Variants in MAMDC2 observed in about 807,000 individuals in gnomAD.
MAMDC2 encodes the protein MAM domain-containing protein 2.
In MAMDC2, 57 loss-of-function variants were observed where a neutral mutation model predicts 89.8. That is an observed-to-expected ratio of 0.63 (90% CI 0.51 to 0.79). MAMDC2 has a LOEUF of 0.79. Among genes scored for constraint, MAMDC2 ranks in the 30% least tolerant of loss-of-function variants. The probability of loss-of-function intolerance (pLI) is 0.00; values close to 1 mark genes in which losing one functional copy is unlikely to be tolerated. For missense variants in MAMDC2, 800 were observed against 820.6 expected (o/e 0.97, Z 0.31); for synonymous variants, 313 against 293.4 (o/e 1.07, Z -0.68).
chr9:70,110,260 T>A (rs907470701), intron 4 of MAMDC2, among the ~76,000 whole-genome samples: 5 of 152,214 alleles, frequency 3.3e-5, no homozygotes, highest in Admixed American at 3.3e-4. Context: ...GTTGGCTGTC[T>A]CTTATCTGCC....
At chr9:70,188,841 G>C (rs1020435170) in intron 11 of MAMDC2, 11 of 139,428 alleles carry the variant, frequency 7.9e-5, no homozygotes, top group Admixed American at 3.2e-4. Flanking sequence ...CTGGGCTCAA[G>C]CCATCCTCTC....
At chr9:70,213,494 A>C (rs1385064684) in intron 11 of MAMDC2, among the ~76,000 whole-genome samples, 1 of 152,134 alleles carries the variant, frequency 6.6e-6, no homozygotes, top group African/African-American at 2.4e-5. Flanking sequence ...TGTGTAGGAT[A>C]GCATTGGATT....
At chr9:70,172,490 A>G (rs948355096) in intron 11 of MAMDC2, 2 of 152,638 alleles carry the variant, frequency 1.3e-5, no homozygotes, top group Non-Finnish European at 2.9e-5. Context: ...ATTTCTGGCA[A>G]TGTTCTCACT....
chr9:70,218,215 A>C, intron 11 of MAMDC2, 122 bp from the exon 12 acceptor site: 8 of 1,084,026 alleles, frequency 7.4e-6, no homozygotes, highest in Non-Finnish European at 1.0e-5. Context: ...CAAAATTATA[A>C]AACCCTTTAT....
chr9:70,058,822 G>A (rs565027621), intron 2 of MAMDC2, among the ~76,000 whole-genome samples: 3 of 152,290 alleles, frequency 2.0e-5, no homozygotes, highest in Non-Finnish European at 4.4e-5. Context: ...AATTGAATTC[G>A]TATTTGAGGA....
chr9:70,082,706 G>A (rs143669554), intron 2 of MAMDC2: 23 of 152,230 alleles, frequency 1.5e-4, no homozygotes, highest in African/African-American at 4.1e-4. Flanking sequence ...TGTCCAGAAA[G>A]CCTGCTACAA....
intron 5 of MAMDC2, among the ~76,000 whole-genome samples, chr9:70,125,957 A>G (rs999700978): frequency 6.6e-6 from 1 of 152,192 alleles, no homozygotes; most frequent in Non-Finnish European, 1.5e-5. Flanking sequence ...GCAGAGTGCA[A>G]TGAACCCCAT....
chr9:70,200,768 A>G (rs2118631063), intron 11 of MAMDC2, among the ~76,000 whole-genome samples: 1 of 150,576 alleles, frequency 6.6e-6, no homozygotes, highest in Middle Eastern at 3.4e-3. Context: ...GGTCCTTCAT[A>G]TCCCTTGTAA....
chr9:70,097,007 G>T (rs1209471596), intron 2 of MAMDC2, among the ~76,000 whole-genome samples: 1 of 152,180 alleles, frequency 6.6e-6, no homozygotes, highest in Admixed American at 6.5e-5. Context: ...AGAAGTTTCT[G>T]AGTCAACTAG....
chr9:70,131,047 C>G (rs1176044783), intron 6 of MAMDC2, among the ~76,000 whole-genome samples: 1 of 152,136 alleles, frequency 6.6e-6, no homozygotes, highest in Non-Finnish European at 1.5e-5. Flanking sequence ...TTCTTACAGT[C>G]CTGAAGTCTG....
rs191290198 is a variant in MAMDC2 at position 70,151,080 on chromosome 9, T to C, written c.1404+7261T>C. Among the ~76,000 whole-genome samples the C allele has an allele frequency of 2.0e-3, 299 of 152,322 alleles. 1 individual carries two copies. Among genetic ancestry groups the C allele is most frequent in the Non-Finnish European group, 2.9e-3 (194 of 68,018 alleles). ...CATAGTTACGTGGGCCTTCTCTCTGTTCCTTGAGTCCCAAGGCCTTTCCTA... is the reference window on the plus strand; with the variant it reads ...CATAGTTACGTGGGCCTTCTCTCTGCTCCTTGAGTCCCAAGGCCTTTCCTA... On this transcript the variant is annotated intron_variant, in intron 9 of 13. Coordinates refer to ENST00000377182, the MANE Select transcript of MAMDC2 (RefSeq NM_153267.5).
chr9:70,206,480 C>A (rs1294592360), intron 11 of MAMDC2, among the ~76,000 whole-genome samples: 1 of 151,964 alleles, frequency 6.6e-6, no homozygotes, highest in Non-Finnish European at 1.5e-5. Flanking sequence ...TAAACTATAT[C>A]CTGAAGGATA....
intron 11 of MAMDC2, among the ~76,000 whole-genome samples, chr9:70,208,525 T>G (rs4378026): frequency 0.92 from 140,409 of 152,184 alleles, 64,848 homozygotes; most frequent in East Asian, 0.98. Context: ...AGCTTAAGGA[T>G]ATTTTGGGCT....
chr9:70,125,230 G>A (rs763103395), intron 5 of MAMDC2, among the ~76,000 whole-genome samples: 4 of 152,176 alleles, frequency 2.6e-5, no homozygotes, highest in Non-Finnish European at 5.9e-5. Context: ...TGTGAATGGC[G>A]TTGTAATTGT....
intron 2 of MAMDC2, among the ~76,000 whole-genome samples, chr9:70,063,491 GT>G (rs1827195416): frequency 6.6e-6 from 1 of 152,132 alleles, no homozygotes; most frequent in African/African-American, 2.4e-5. Flanking sequence ...TGGGCGCATA[GT>G]AGATGCTTGG....
intron 2 of MAMDC2, among the ~76,000 whole-genome samples, chr9:70,102,026 A>C (rs1828210004): frequency 6.6e-6 from 1 of 152,228 alleles, no homozygotes; most frequent in Admixed American, 6.5e-5. Flanking sequence ...GTATATACTT[A>C]TTTAAACATT....
intron 12 of MAMDC2, among the ~76,000 whole-genome samples, chr9:70,224,709 A>G (rs2033617474): frequency 6.6e-6 from 1 of 152,172 alleles, no homozygotes; most frequent in Admixed American, 6.6e-5. Flanking sequence ...TCTCTTTCAG[A>G]AACACCCTCA....
At position 70,143,790 on chromosome 9, in the gene MAMDC2, A is replaced by G; in HGVS notation, c.1375A>G (p.Ile459Val). ...SPRGVWMQAE[I>V]TFKKPMPTKV... ...AAGGGGTGTTTGGATGCAAGCTGAA[A>G]TCACCTTTAAGAAGCCCATGCCTAC... is the stretch of plus-strand genomic sequence containing the variant. Residue 459 changes from isoleucine (I) to valine (V), a missense_variant, in exon 9 of 14, where the codon ATC becomes GTC. Coordinates refer to ENST00000377182, the MANE Select transcript of MAMDC2 (RefSeq NM_153267.5). 6.2e-7 allele frequency: 1 copy of G among 1,614,184 alleles called. No homozygotes were observed. The highest frequency in any genetic ancestry group is 2.2e-5 in the East Asian group (1 of 44,878).
Position 70,218,420 on chromosome 9 carries a change from G to A in MAMDC2, c.1735G>A (p.Gly579Arg), listed in dbSNP as rs1300272744. The A allele has an allele frequency of 1.9e-6, 3 of 1,614,076 alleles. No individual in the cohort carries two copies. In the African/African-American group the frequency reaches 4.0e-5, roughly 22 times the overall value. Reference sequence around the variant, plus strand: ...GTCCAGGCCTCTGCGAGGAGTCTCTGGAAAACACTGCTTGACCTTTTTCTA... The same window carrying A: ...GTCCAGGCCTCTGCGAGGAGTCTCTAGAAAACACTGCTTGACCTTTTTCTA... Reference protein sequence around the residue: ...LLSRPLRGVSGKHCLTFFYHM... With the variant: ...LLSRPLRGVSRKHCLTFFYHM... Residue 579 changes from glycine (G) to arginine (R), a missense_variant, in exon 12 of 14, where the codon GGA (glycine) becomes AGA (arginine). Gly to Arg is a moderately radical substitution (Grantham distance 125). Transcript: ENST00000377182.
Sources: gnomAD v4.1 joint callset for allele counts (sites outside exome capture counted in the v4.1 genomes callset) on GRCh38, gnomAD v4.1.1 for gene constraint, MANE v1.5 for transcripts, NCBI Gene and HGNC (gene_info 2026-07-23, HGNC 2026-07-21) for gene names.